The following MLLT3 variants were observed in gnomAD, a reference collection of about 807,000 sequenced individuals.
MLLT3 encodes the protein protein AF-9.
In MLLT3, 4 loss-of-function variants were observed where a neutral mutation model predicts 53.2. That is an observed-to-expected ratio of 0.08 (90% CI 0.04 to 0.17). MLLT3 has a LOEUF of 0.17. Among genes scored for constraint, MLLT3 ranks in the 10% least tolerant of loss-of-function variants. The probability of loss-of-function intolerance (pLI) is 1.00; values close to 1 mark genes in which losing one functional copy is unlikely to be tolerated. For missense variants in MLLT3, 569 were observed against 684.0 expected (o/e 0.83, Z 1.87); for synonymous variants, 283 against 230.6 (o/e 1.23, Z -2.06).
At chr9:20,576,158 T>C (rs1244844171) in intron 2 of MLLT3, among the ~76,000 whole-genome samples, 4 of 152,208 alleles carry the variant, frequency 2.6e-5, no homozygotes, top group African/African-American at 9.6e-5. Context: ...ACCTCCAAAC[T>C]ATTCTTCTGC....
intron 2 of MLLT3, among the ~76,000 whole-genome samples, chr9:20,588,627 G>A (rs1317490301): frequency 1.3e-5 from 2 of 152,164 alleles, no homozygotes; most frequent in African/African-American, 2.4e-5. Context: ...GTTCACTCAT[G>A]ATTTGCCTCT....
At chr9:20,399,106 G>A (rs2118740213) in intron 5 of MLLT3, among the ~76,000 whole-genome samples, 1 of 152,138 alleles carries the variant, frequency 6.6e-6, no homozygotes, top group East Asian at 1.9e-4. Flanking sequence ...CATAAGGGTG[G>A]CTTACACCCT....
At chr9:20,588,141 G>C (rs1241790702) in intron 2 of MLLT3, among the ~76,000 whole-genome samples, 13 of 151,914 alleles carry the variant, frequency 8.6e-5, no homozygotes, top group Admixed American at 2.6e-4. Flanking sequence ...TGTCAAAGAT[G>C]AGATAGTTGT....
chr9:20,367,153 G>A (rs1821477272), intron 5 of MLLT3, among the ~76,000 whole-genome samples: 1 of 152,168 alleles, frequency 6.6e-6, no homozygotes, highest in Non-Finnish European at 1.5e-5. Flanking sequence ...AGGAAAGAGT[G>A]TCATACACAC....
intron 5 of MLLT3, among the ~76,000 whole-genome samples, chr9:20,377,028 G>T (rs1239411669): frequency 6.6e-6 from 1 of 152,154 alleles, no homozygotes; most frequent in African/African-American, 2.4e-5. Flanking sequence ...TTTTAGCTGT[G>T]TTTTCTCTTT....
In MLLT3 at chr9:20,354,839, T is replaced by A; in HGVS notation, c.1472A>T (p.Asp491Val). The change falls in exon 9 of 11, where the codon GAT becomes GTT. Residue 491 changes from aspartate to valine, a missense_variant. This residue lies in a region of MLLT3 where 437 missense variants were observed against 376.5 expected (regional missense o/e 1.16). Transcript: ENST00000380338. The stretch of plus-strand genomic sequence containing the variant: ...ACATTCACCATTCTTTATTTGCTTA[T>A]CTGATTTGCTTTGCTTTATTGGACT... The part of the protein sequence containing the change: ...VKSPIKQSKS[D>V]KQIKNGECDK... 1.2e-6 allele frequency: 2 copies of A among 1,612,992 alleles called. No homozygotes were observed. The highest frequency in any genetic ancestry group is 1.7e-6 in the Non-Finnish European group (2 of 1,179,142).
chr9:20,551,633 GA>G (rs1016647233), intron 2 of MLLT3, among the ~76,000 whole-genome samples: 3 of 151,122 alleles, frequency 2.0e-5, no homozygotes, highest in Admixed American at 6.6e-5. Context: ...AATCAGAAAA[GA>G]AAAAAAAACT....
chr9:20,414,086 T>C lies in MLLT3; in HGVS notation c.760A>G (p.Lys254Glu). 6.2e-7 allele frequency: 1 copy of C among 1,613,790 alleles called. No individual in the cohort carries two copies. The highest frequency in any genetic ancestry group is 8.5e-7 in the Non-Finnish European group (1 of 1,179,956). ...EEKIVPKMAFKEPKPMSKEPK... is the reference protein window; with the variant it reads ...EEKIVPKMAFEEPKPMSKEPK... ...TCTTTTGACATGGGTTTAGGTTCCT[T>C]GAAGGCCATCTTAGGAACTATTTTC... The change falls in exon 5 of 11, where the codon AAG (lysine) becomes GAG (glutamate). Residue 254 changes from lysine (K) to glutamate (E), a missense_variant. By Grantham distance (56) the Lys-to-Glu change is moderately conservative. Around this residue, in one of 5 missense-constraint regions of MLLT3, gnomAD observed 437 missense variants for 376.5 expected, o/e 1.16. Coordinates refer to ENST00000380338, the MANE Select transcript of MLLT3 (RefSeq NM_004529.4).
intron 2 of MLLT3, among the ~76,000 whole-genome samples, chr9:20,459,319 G>C (rs996454952): frequency 6.6e-6 from 1 of 152,156 alleles, no homozygotes; most frequent in Non-Finnish European, 1.5e-5. Flanking sequence ...AACGTGAAAA[G>C]ATCCAGAGTG....
At chr9:20,440,826 T>C (rs1183532730) in intron 4 of MLLT3, among the ~76,000 whole-genome samples, 1 of 152,222 alleles carries the variant, frequency 6.6e-6, no homozygotes, top group African/African-American at 2.4e-5. Context: ...TGTTCATTTC[T>C]TATTTTCTTG....
intron 5 of MLLT3, among the ~76,000 whole-genome samples, chr9:20,398,715 A>C (rs1822381462): frequency 6.6e-6 from 1 of 152,146 alleles, no homozygotes. Flanking sequence ...AATTTCTTTC[A>C]CTGCAACATC....
Position 20,397,411 on chromosome 9 carries a change from C to G in MLLT3, c.1125+16310G>C, listed in dbSNP as rs184781572. On this transcript the variant is annotated intron_variant, in intron 5 of 10. Transcript: ENST00000380338. ...GAAGTACACAGTATAAGCTAGCACC[C>G]ACCAGCGATTGGCAAGAGTGAGTAT... Among the ~76,000 whole-genome samples, 33 of 152,194 alleles carry G rather than the reference C, an allele frequency of 2.2e-4. 1 individual carries two copies. Among genetic ancestry groups the G allele is most frequent in the Admixed American group, 1.5e-3 (23 of 15,282 alleles).
rs1294976169 is a variant in MLLT3, at chr9:20,346,380, AAAAAAAAAAAAAACC to A, written c.*48_*62del. The A allele has an allele frequency of 1.3e-5, 7 of 544,418 alleles. No individual in the cohort carries two copies. Among genetic ancestry groups the A allele is most frequent in the African/African-American group, 2.5e-5 (1 of 39,514 alleles). 33.7% of individuals were successfully genotyped at this position (544,418 alleles called of 1,614,324 possible). ...ACAACAAGAACAAAAAATCACAACCAAAAAAAAAAAAAACCAAAAAAAAAAAACACAATAGTTCTT... is the reference window on the plus strand; with the variant it reads ...ACAACAAGAACAAAAAATCACAACCAAAAAAAAAAAAACACAATAGTTCTT... On this transcript the variant is annotated 3_prime_UTR_variant, in exon 11 of 11. Coordinates refer to ENST00000380338, the MANE Select transcript of MLLT3 (RefSeq NM_004529.4).
At chr9:20,385,982 T>C (rs1187394409) in intron 5 of MLLT3, among the ~76,000 whole-genome samples, 1 of 152,154 alleles carries the variant, frequency 6.6e-6, no homozygotes, top group Non-Finnish European at 1.5e-5. Context: ...CTCCCTTTAG[T>C]GAAGAGGACA....
intron 2 of MLLT3, among the ~76,000 whole-genome samples, chr9:20,592,231 GT>G (rs1362484061): frequency 6.6e-6 from 1 of 152,102 alleles, no homozygotes; most frequent in Non-Finnish European, 1.5e-5. Context: ...CTTACATGTG[GT>G]TTTAGATATA....
chr9:20,476,244 A>G (rs903354688), intron 2 of MLLT3, among the ~76,000 whole-genome samples: 10 of 151,966 alleles, frequency 6.6e-5, no homozygotes, highest in Non-Finnish European at 1.5e-4. Flanking sequence ...CAATGCATAC[A>G]CTCTTCAGAT....
chr9:20,514,844 G>C (rs1002812496), intron 2 of MLLT3, among the ~76,000 whole-genome samples: 29 of 151,800 alleles, frequency 1.9e-4, no homozygotes, highest in African/African-American at 5.8e-4. Context: ...CAAGAAACCA[G>C]TATTGTGTTC....
intron 5 of MLLT3, among the ~76,000 whole-genome samples, chr9:20,410,947 A>G (rs1196169002): frequency 6.6e-6 from 1 of 152,068 alleles, no homozygotes; most frequent in Non-Finnish European, 1.5e-5. Context: ...TCTGCCCATT[A>G]TGTCTAAAAT....
At chr9:20,493,280 G>C (rs1824998480) in intron 2 of MLLT3, among the ~76,000 whole-genome samples, 1 of 151,986 alleles carries the variant, frequency 6.6e-6, no homozygotes, top group Middle Eastern at 3.4e-3. Flanking sequence ...CTATCCTATA[G>C]TAATTTATCA....
Sources: allele counts gnomAD v4.1 joint callset (sites outside exome capture counted in the v4.1 genomes callset), GRCh38; gene constraint gnomAD v4.1.1; regional missense constraint gnomAD v4.1.1; transcripts MANE v1.5; gene names NCBI Gene and HGNC (gene_info 2026-07-23, HGNC 2026-07-21).